Variants in LINGO2 observed in about 807,000 individuals in gnomAD.
LINGO2 encodes leucine rich repeat and Ig domain containing 2.
In LINGO2, 14 loss-of-function variants were observed where a neutral mutation model predicts 30.6. That is an observed-to-expected ratio of 0.46 (90% CI 0.30 to 0.72). The LOEUF (loss-of-function observed/expected upper bound fraction) is 0.72, where lower values mean the gene tolerates loss of function less well. LINGO2 is among the 30% of genes least tolerant of loss of function. The pLI, the probability that LINGO2 is intolerant of heterozygous loss-of-function variation, is 0.07. For missense variants in LINGO2, 729 were observed against 751.7 expected (o/e 0.97, Z 0.35); for synonymous variants, 317 against 288.5 (o/e 1.10, Z -1.00).
chr9:28,252,385 C>T (rs7022139), intron 4 of LINGO2, among the ~76,000 whole-genome samples: 60,592 of 151,840 alleles, frequency 0.4, 12,316 homozygotes, highest in Middle Eastern at 0.46. Context: ...ATCACTATGC[C>T]TAGCTAATTT....
In LINGO2 at chr9:28,360,300, T is replaced by C. The variant is rs1423925759; in HGVS notation, c.-246+12536A>G. ...AGAGAAAGGACTCCATCTTTTATCATAGTCCTAAACTTTGCTTTCAGTAGA... is the reference window on the plus strand; with the variant it reads ...AGAGAAAGGACTCCATCTTTTATCACAGTCCTAAACTTTGCTTTCAGTAGA... On this transcript the variant is annotated intron_variant, in intron 3 of 5. Coordinates refer to ENST00000379992, the Ensembl canonical transcript of LINGO2. Among the ~76,000 whole-genome samples the C allele has an allele frequency of 2.0e-5, 3 of 152,322 alleles. No homozygotes were observed. The East Asian group carries it at 5.8e-4, about 29-fold the overall frequency.
intron 5 of LINGO2, among the ~76,000 whole-genome samples, chr9:27,965,925 C>T (rs183171012): frequency 5.6e-4 from 85 of 152,136 alleles, no homozygotes; most frequent in Middle Eastern, 3.4e-3. Flanking sequence ...AGCACATATG[C>T]GCAACCGTCA....
chr9:28,617,818 C>T (rs1056809938), intron 1 of LINGO2, among the ~76,000 whole-genome samples: 1 of 152,042 alleles, frequency 6.6e-6, no homozygotes, highest in African/African-American at 2.4e-5. Context: ...TTCATATTAA[C>T]TAAGGCTGGG....
chr9:28,401,602 GTA>G (rs1822268255), intron 2 of LINGO2, among the ~76,000 whole-genome samples: 1 of 152,142 alleles, frequency 6.6e-6, no homozygotes, highest in Non-Finnish European at 1.5e-5. Flanking sequence ...ATATATGTGT[GTA>G]TGTGTCTTTA....
chr9:28,749,549 T>C, the LINGO2 span, among the ~76,000 whole-genome samples: 1 of 152,056 alleles, frequency 6.6e-6, no homozygotes, highest in African/African-American at 2.4e-5. Context: ...AATAGCTTAT[T>C]GGGTTTGTCA....
intron 4 of LINGO2, among the ~76,000 whole-genome samples, chr9:28,042,115 G>C (rs1046128651): frequency 1.3e-5 from 2 of 152,146 alleles, no homozygotes; most frequent in Non-Finnish European, 2.9e-5. Context: ...AGTGTATAAA[G>C]CACGAAGCTT....
At chr9:28,943,318 T>A in the LINGO2 span, among the ~76,000 whole-genome samples, 1 of 151,852 alleles carries the variant, frequency 6.6e-6, no homozygotes, top group Admixed American at 6.6e-5. Flanking sequence ...GGGAATTAAA[T>A]ATAGATCTAA....
intron 3 of LINGO2, among the ~76,000 whole-genome samples, chr9:28,354,961 C>A (rs932924738): frequency 1.3e-5 from 2 of 152,024 alleles, no homozygotes; most frequent in East Asian, 1.9e-4. Context: ...AAAACTGGAG[C>A]CTTTTCAGTG....
chr9:28,409,665 T>C (rs748655619), intron 2 of LINGO2, among the ~76,000 whole-genome samples: 13 of 150,358 alleles, frequency 8.6e-5, no homozygotes, highest in Non-Finnish European at 1.6e-4. Context: ...TGTTTCGAAG[T>C]CATTGTAAAA....
At chr9:28,945,016 C>T in the LINGO2 span, among the ~76,000 whole-genome samples, 1 of 152,090 alleles carries the variant, frequency 6.6e-6, no homozygotes, top group Non-Finnish European at 1.5e-5. Flanking sequence ...CAAATATAGG[C>T]TGGTTGTTCC....
At chr9:28,885,849 C>G in the LINGO2 span, among the ~76,000 whole-genome samples, 1 of 152,060 alleles carries the variant, frequency 6.6e-6, no homozygotes, top group South Asian at 2.1e-4. Flanking sequence ...TATTTTTAGT[C>G]AGTACAAACA....
intron 4 of LINGO2, among the ~76,000 whole-genome samples, chr9:28,209,244 A>C (rs1820511284): frequency 6.6e-6 from 1 of 152,004 alleles, no homozygotes; most frequent in South Asian, 2.1e-4. Flanking sequence ...CATACATCAA[A>C]TATATATTGA....
chr9:28,723,896 C>T, the LINGO2 span, among the ~76,000 whole-genome samples: 6 of 151,902 alleles, frequency 3.9e-5, 1 homozygote, highest in Non-Finnish European at 7.4e-5. Context: ...AAAGAATTAG[C>T]TTAAAAGAAA....
At chr9:28,968,235 GC>G in the LINGO2 span, among the ~76,000 whole-genome samples, 1 of 152,116 alleles carries the variant, frequency 6.6e-6, no homozygotes, top group South Asian at 2.1e-4. Context: ...AAATAGACAT[GC>G]CGAGTTTTTG....
chr9:28,761,107 T>C, the LINGO2 span, among the ~76,000 whole-genome samples: 380 of 151,948 alleles, frequency 2.5e-3, 4 homozygotes, highest in African/African-American at 8.6e-3. Flanking sequence ...TGACTTCTTT[T>C]ACTCTGGGTA....
At chr9:27,951,678 C>T (rs1819319671) in intron 5 of LINGO2, among the ~76,000 whole-genome samples, 2 of 152,042 alleles carry the variant, frequency 1.3e-5, no homozygotes, top group South Asian at 4.2e-4. Flanking sequence ...TTACTGAGCT[C>T]TGCTTTTCAA....
the LINGO2 span, among the ~76,000 whole-genome samples, chr9:29,026,707 C>T: frequency 6.6e-6 from 1 of 152,066 alleles, no homozygotes; most frequent in African/African-American, 2.4e-5. Context: ...TTAATCTTCA[C>T]TAATTCCATA....
At chr9:28,198,349 A>G (rs1290601547) in intron 4 of LINGO2, among the ~76,000 whole-genome samples, 4 of 152,130 alleles carry the variant, frequency 2.6e-5, no homozygotes, top group African/African-American at 9.7e-5. Context: ...CATATACCAC[A>G]TGCTTGGATA....
chr9:28,438,370 C>T (rs549069784), intron 2 of LINGO2, among the ~76,000 whole-genome samples: 1 of 152,200 alleles, frequency 6.6e-6, no homozygotes, highest in South Asian at 2.1e-4. Flanking sequence ...AGAGGAAGGA[C>T]AAATTTTCCT....
Sources: gnomAD v4.1 joint callset for allele counts (sites outside exome capture counted in the v4.1 genomes callset) on GRCh38, gnomAD v4.1.1 for gene constraint, MANE v1.5 for transcripts, NCBI Gene and HGNC (gene_info 2026-07-23, HGNC 2026-07-21) for gene names.